Variants in FOXP1 observed in about 807,000 individuals in gnomAD.
FOXP1 encodes forkhead box protein P1.
FOXP1 carries 15 observed loss-of-function variants against 98.2 expected under a neutral mutation model. The observed-to-expected ratio is 0.15, with a 90% confidence interval of 0.10 to 0.24. The LOEUF (loss-of-function observed/expected upper bound fraction) is 0.24, where lower values mean the gene tolerates loss of function less well. FOXP1 is among the 10% of genes least tolerant of loss of function. The pLI, the probability that FOXP1 is intolerant of heterozygous loss-of-function variation, is 1.00. For synonymous variants in FOXP1, 371 were observed against 314.5 expected (o/e 1.18, Z -1.90); for missense variants, 633 against 848.5 (o/e 0.75, Z 3.15).
intron 18 of FOXP1, chr3:70,972,041 G>C: frequency 6.8e-7 from 1 of 1,478,376 alleles, no homozygotes. Flanking sequence ...GTTTTCATCG[G>C]GGCAGTATTT....
intron 7 of FOXP1, among the ~76,000 whole-genome samples, chr3:71,079,262 C>T (rs1008245366): frequency 6.6e-6 from 1 of 152,198 alleles, no homozygotes; most frequent in Admixed American, 6.5e-5. Flanking sequence ...CTGCCCCCCA[C>T]CTAGGTCTCA....
chr3:71,187,434 A>G (rs1280964725), intron 6 of FOXP1, among the ~76,000 whole-genome samples: 1 of 151,956 alleles, frequency 6.6e-6, no homozygotes, highest in Non-Finnish European at 1.5e-5. Context: ...AAAAATACAA[A>G]ATTGTGGGCA....
intron 6 of FOXP1, among the ~76,000 whole-genome samples, chr3:71,191,679 G>C (rs777435661): frequency 2.6e-5 from 4 of 152,188 alleles, no homozygotes; most frequent in Non-Finnish European, 5.9e-5. Context: ...AACTAACAGA[G>C]TAGAGAACTA....
chr3:71,204,199 G>C (rs1576367658), intron 5 of FOXP1, among the ~76,000 whole-genome samples: 1 of 152,172 alleles, frequency 6.6e-6, no homozygotes, highest in African/African-American at 2.4e-5. Flanking sequence ...TCGTGTTCAT[G>C]CCACTGAGGA....
chr3:71,300,147 G>T (rs1387851197), intron 4 of FOXP1, among the ~76,000 whole-genome samples: 1 of 152,180 alleles, frequency 6.6e-6, no homozygotes, highest in Non-Finnish European at 1.5e-5. Flanking sequence ...TCATCTTGTT[G>T]TCTATCGATT....
intron 2 of FOXP1, among the ~76,000 whole-genome samples, chr3:71,559,050 C>T (rs1239172387): frequency 6.6e-6 from 1 of 152,206 alleles, no homozygotes; most frequent in African/African-American, 2.4e-5. Context: ...GTGATCCGCC[C>T]GCCTTGGCCT....
intron 3 of FOXP1, among the ~76,000 whole-genome samples, chr3:71,394,668 G>T (rs376412278): frequency 1.6e-4 from 24 of 152,188 alleles, no homozygotes; most frequent in African/African-American, 5.8e-4. Flanking sequence ...TCATTATACC[G>T]ACCCTTGTGT....
chr3:70,972,345 T>A, intron 18 of FOXP1: 1 of 866,872 alleles, frequency 1.2e-6, no homozygotes, highest in Non-Finnish European at 1.8e-6. Flanking sequence ...TAAAAGCTAC[T>A]AGCATGTGAT....
intron 10 of FOXP1, among the ~76,000 whole-genome samples, chr3:71,042,199 T>C (rs2048442727): frequency 6.6e-6 from 1 of 152,208 alleles, no homozygotes; most frequent in Admixed American, 6.5e-5. Flanking sequence ...AGTAACACTA[T>C]TATTACTGTC....
At chr3:71,085,888 C>T (rs2055039578) in intron 7 of FOXP1, among the ~76,000 whole-genome samples, 1 of 151,534 alleles carries the variant, frequency 6.6e-6, no homozygotes, top group African/African-American at 2.4e-5. Context: ...TGCCACCACA[C>T]CCAGCTATTT....
At position 71,407,649 on chromosome 3, in the gene FOXP1, A is replaced by G. The variant is rs2082441429; in HGVS notation, c.-167-48405T>C. Among the ~76,000 whole-genome samples the G allele has an allele frequency of 2.0e-5, 3 of 152,024 alleles. No individual in the cohort carries two copies. In the South Asian group the frequency reaches 6.2e-4, roughly 32 times the overall value. ...ATGTGGTATCAGGGTTGTGAGATAC[A>G]GAAGAACTGTGCGTGTGTGTGTGTG... On this transcript the variant is annotated intron_variant, in intron 3 of 20. Coordinates refer to ENST00000649528, the MANE Select transcript of FOXP1 (RefSeq NM_001349338.3).
intron 10 of FOXP1, among the ~76,000 whole-genome samples, chr3:71,044,478 A>G (rs1330727100): frequency 6.6e-6 from 1 of 152,206 alleles, no homozygotes; most frequent in Non-Finnish European, 1.5e-5. Context: ...AATAACCTTA[A>G]AAACAACACA....
chr3:71,477,002 A>G (rs1296943302), intron 3 of FOXP1, among the ~76,000 whole-genome samples: 1 of 152,200 alleles, frequency 6.6e-6, no homozygotes, highest in African/African-American at 2.4e-5. Context: ...TGCTCTTGTT[A>G]AGAGACACCT....
intron 4 of FOXP1, among the ~76,000 whole-genome samples, chr3:71,346,685 T>A (rs2077383072): frequency 6.6e-6 from 1 of 152,094 alleles, no homozygotes. Context: ...CAAGCAGACT[T>A]CAGTTCTTAT....
intron 7 of FOXP1, among the ~76,000 whole-genome samples, chr3:71,062,050 TA>T (rs1233240938): frequency 8.5e-5 from 13 of 152,316 alleles, no homozygotes; most frequent in Admixed American, 2.6e-4. Flanking sequence ...GTCAGTGTCA[TA>T]AAAGAGTTTA....
chr3:71,234,474 T>C (rs2066607614), intron 5 of FOXP1, among the ~76,000 whole-genome samples: 2 of 152,214 alleles, frequency 1.3e-5, no homozygotes, highest in Admixed American at 1.3e-4. Context: ...GAGGCGAGGA[T>C]GCTCTTCAAA....
chr3:71,321,948 T>G (rs1324896235), intron 4 of FOXP1, among the ~76,000 whole-genome samples: 2 of 152,216 alleles, frequency 1.3e-5, no homozygotes, highest in Non-Finnish European at 2.9e-5. Flanking sequence ...ATTATAAAGT[T>G]GCCTGCGTCA....
chr3:71,409,510 G>C (rs759669672), intron 3 of FOXP1, among the ~76,000 whole-genome samples: 2 of 151,930 alleles, frequency 1.3e-5, no homozygotes, highest in Non-Finnish European at 2.9e-5. Context: ...AGGCTAATCT[G>C]TCTATGGAGA....
intron 11 of FOXP1, among the ~76,000 whole-genome samples, chr3:71,038,905 A>G (rs1183498280): frequency 6.6e-6 from 1 of 152,114 alleles, no homozygotes; most frequent in Non-Finnish European, 1.5e-5. Context: ...GCCTCAAGCA[A>G]TCCTCCTGCC....
Sources: allele counts gnomAD v4.1 joint callset (sites outside exome capture counted in the v4.1 genomes callset), GRCh38; gene constraint gnomAD v4.1.1; transcripts MANE v1.5; gene names NCBI Gene and HGNC (gene_info 2026-07-23, HGNC 2026-07-21).